PRKAG2: variants seen among roughly 807,000 people sequenced by gnomAD.
The protein encoded by PRKAG2 is 5'-AMP-activated protein kinase subunit gamma-2.
In PRKAG2, 26 loss-of-function variants were observed where a neutral mutation model predicts 69.6. The ratio of observed to expected loss-of-function variants is 0.37; its 90% CI spans 0.27 to 0.52. The LOEUF is 0.52. Among genes scored for constraint, PRKAG2 ranks in the 20% least tolerant of loss-of-function variants. The pLI is 0.90. For missense variants in PRKAG2, 557 were observed against 740.0 expected, an observed-to-expected ratio of 0.75 and a Z score of 2.87; for synonymous variants, 293 against 285.0, an observed-to-expected ratio of 1.03 and a Z score of -0.28.
chr7:151,725,214 G>A (rs7782461), intron 3 of PRKAG2, among the ~76,000 whole-genome samples: 2,649 of 152,176 alleles, frequency 0.017, 76 homozygotes, highest in African/African-American at 0.061. Context: ...AAAAAGAGGG[G>A]GATCCTGCCA....
chr7:151,742,431 C>G (rs2073957633), intron 3 of PRKAG2, among the ~76,000 whole-genome samples: 1 of 152,104 alleles, frequency 6.6e-6, no homozygotes, highest in South Asian at 2.1e-4. Context: ...TGAGACCATC[C>G]TGGCCAACAT....
intron 5 of PRKAG2, among the ~76,000 whole-genome samples, chr7:151,604,824 C>T (rs1817126009): frequency 6.6e-6 from 1 of 152,168 alleles, no homozygotes; most frequent in Non-Finnish European, 1.5e-5. Context: ...CTCAGACCCT[C>T]CTTGTTGTGA....
At chr7:151,664,239 C>T (rs1400804719) in intron 4 of PRKAG2, among the ~76,000 whole-genome samples, 2 of 152,150 alleles carry the variant, frequency 1.3e-5, no homozygotes, top group East Asian at 1.9e-4. Context: ...TTGGCTTTAG[C>T]GTTTGCTAGC....
intron 1 of PRKAG2, among the ~76,000 whole-genome samples, chr7:151,859,990 C>T (rs142587189): frequency 3.3e-5 from 5 of 152,196 alleles, no homozygotes; most frequent in Admixed American, 1.3e-4. Context: ...ATTCCCTCTC[C>T]GCCACCTGCA....
intron 1 of PRKAG2, among the ~76,000 whole-genome samples, chr7:151,862,335 C>T (rs1209830625): frequency 6.6e-6 from 1 of 152,112 alleles, no homozygotes; most frequent in East Asian, 1.9e-4. Flanking sequence ...AAAAAAAATG[C>T]CTCTTTTTGA....
intron 5 of PRKAG2, among the ~76,000 whole-genome samples, chr7:151,627,839 T>C (rs1823381820): frequency 6.6e-6 from 1 of 152,148 alleles, no homozygotes; most frequent in Non-Finnish European, 1.5e-5. Context: ...ATTTTTAAAA[T>C]TTTTTATAAA....
chr7:151,684,934 C>A (rs7790408), intron 3 of PRKAG2, among the ~76,000 whole-genome samples: 69,178 of 151,878 alleles, frequency 0.46, 16,013 homozygotes, highest in Middle Eastern at 0.51. Flanking sequence ...AGCTGGTCAC[C>A]CCCAAGACAA....
intron 1 of PRKAG2, among the ~76,000 whole-genome samples, chr7:151,796,236 C>T (rs2077529056): frequency 6.6e-6 from 1 of 152,014 alleles, no homozygotes; most frequent in African/African-American, 2.4e-5. Context: ...GATGGGTCTG[C>T]TCAGTCATCG....
At chr7:151,655,750 T>C (rs1485699232) in intron 4 of PRKAG2, among the ~76,000 whole-genome samples, 1 of 152,206 alleles carries the variant, frequency 6.6e-6, no homozygotes, top group African/African-American at 2.4e-5. Context: ...TTTCCTCATC[T>C]GTAAAATGGG....
intron 4 of PRKAG2, among the ~76,000 whole-genome samples, chr7:151,667,376 A>G (rs1831210369): frequency 6.6e-6 from 1 of 152,182 alleles, no homozygotes; most frequent in Non-Finnish European, 1.5e-5. Context: ...GCTGTCAACC[A>G]TCTAAAAATA....
chr7:151,710,987 G>C (rs796223946), intron 3 of PRKAG2, among the ~76,000 whole-genome samples: 1 of 152,100 alleles, frequency 6.6e-6, no homozygotes, highest in Admixed American at 6.5e-5. Flanking sequence ...AGAGTATTGC[G>C]AGTGCTAGGA....
intron 6 of PRKAG2, among the ~76,000 whole-genome samples, chr7:151,592,577 T>G (rs2151120609): frequency 6.6e-6 from 1 of 152,316 alleles, no homozygotes; most frequent in South Asian, 2.1e-4. Context: ...TCCCTGCAAG[T>G]GGCTCGCCTT....
chr7:151,844,407 C>G (rs6953067), intron 1 of PRKAG2, among the ~76,000 whole-genome samples: 47,836 of 152,030 alleles, frequency 0.31, 8,838 homozygotes, highest in East Asian at 0.67. Flanking sequence ...GAGGACCCAT[C>G]ACATGAAGGG....
chr7:151,668,432 C>A (rs1831355226), intron 4 of PRKAG2, among the ~76,000 whole-genome samples: 2 of 152,182 alleles, frequency 1.3e-5, no homozygotes, highest in Admixed American at 1.3e-4. Context: ...AATCAGCTGG[C>A]AAAAGAAGAG....
intron 4 of PRKAG2, among the ~76,000 whole-genome samples, chr7:151,640,087 G>A (rs1317123680): frequency 2.0e-5 from 3 of 152,140 alleles, no homozygotes; most frequent in Non-Finnish European, 4.4e-5. Context: ...GAGGCAGGTG[G>A]ATCACCTGAG....
chr7:151,579,361 T>C (rs1809806501), intron 6 of PRKAG2, among the ~76,000 whole-genome samples: 1 of 152,204 alleles, frequency 6.6e-6, no homozygotes, highest in Non-Finnish European at 1.5e-5. Context: ...TACTGTTTTC[T>C]TCAAAATGAC....
chr7:151,776,343 A>G (rs887227576), intron 3 of PRKAG2, among the ~76,000 whole-genome samples: 6 of 152,184 alleles, frequency 3.9e-5, no homozygotes, highest in Non-Finnish European at 7.3e-5. Context: ...CCGATGGTGT[A>G]ACCGGGCTGT....
At chr7:151,691,082 G>A (rs1835588798) in intron 3 of PRKAG2, among the ~76,000 whole-genome samples, 1 of 152,188 alleles carries the variant, frequency 6.6e-6, no homozygotes, top group African/African-American at 2.4e-5. Context: ...ATCCCTCTGT[G>A]TCTGCAGGGA....
chr7:151,562,243 T>TC (rs1563136486), intron 14 of PRKAG2, among the ~76,000 whole-genome samples: 2 of 31,690 alleles, frequency 6.3e-5, no homozygotes, highest in Non-Finnish European at 5.3e-5. Context: ...AGACTTTGTC[T>TC]CAAAAAAAAA....
Sources: gnomAD v4.1 joint callset for allele counts (sites outside exome capture counted in the v4.1 genomes callset) on GRCh38, gnomAD v4.1.1 for gene constraint, MANE v1.5 for transcripts, NCBI Gene and HGNC (gene_info 2026-07-23, HGNC 2026-07-21) for gene names.